The following RPTOR variants were observed in gnomAD, a reference collection of about 807,000 sequenced individuals.
RPTOR encodes the protein regulatory associated protein of MTOR complex 1.
Under a neutral mutation model 169.9 loss-of-function variants are expected in RPTOR, and 21 were observed. That is an observed-to-expected ratio of 0.12 (90% confidence interval 0.09 to 0.18). The LOEUF is 0.18. Among genes scored for constraint, RPTOR ranks in the 10% least tolerant of loss-of-function variants. The pLI, the probability that RPTOR is intolerant of heterozygous loss-of-function variation, is 1.00. For missense variants in RPTOR, 1,133 were observed against 1,855.9 expected (o/e 0.61, Z 7.16); for synonymous variants, 732 against 753.2 (o/e 0.97, Z 0.46).
In RPTOR at chr17:80,960,025, G is replaced by A; in HGVS notation, c.3478-53G>A. ...GGGTCCTGGCGCTGCAGGACAGCAG[G>A]GAGGGTGGCTCGGTGCCCCGGTCTT... On this transcript the variant is annotated intron_variant, in intron 29 of 33. Coordinates refer to ENST00000306801, the MANE Select transcript of RPTOR (RefSeq NM_020761.3). The surrounding 1 kb of genome is among the most constrained non-coding windows in gnomAD (Gnocchi z 4.8). The A allele has an allele frequency of 6.2e-7, 1 of 1,605,672 alleles. No homozygotes were observed. The highest frequency in any genetic ancestry group is 8.5e-7 in the Non-Finnish European group (1 of 1,175,208).
intron 1 of RPTOR, among the ~76,000 whole-genome samples, chr17:80,571,128 T>C (rs2064900661): frequency 6.6e-6 from 1 of 152,212 alleles, no homozygotes; most frequent in South Asian, 2.1e-4. Context: ...CAGATCTAAA[T>C]TGGGCACTCA....
At chr17:80,867,197 A>G (rs530131504) in intron 13 of RPTOR, among the ~76,000 whole-genome samples, 8 of 152,318 alleles carry the variant, frequency 5.3e-5, no homozygotes, top group Non-Finnish European at 1.0e-4. Flanking sequence ...AAACCTGTTT[A>G]AGGATTGAAA....
chr17:80,605,114 T>C (rs1343982646), intron 1 of RPTOR, among the ~76,000 whole-genome samples: 1 of 152,224 alleles, frequency 6.6e-6, no homozygotes, highest in East Asian at 1.9e-4. Context: ...AGACGATCCA[T>C]GTCCTGTGGG....
chr17:80,578,120 A>C (rs1287563048), intron 1 of RPTOR, among the ~76,000 whole-genome samples: 3 of 152,136 alleles, frequency 2.0e-5, no homozygotes, highest in African/African-American at 7.2e-5. Context: ...TGCGTGGCTG[A>C]GATAGTGAAG....
At chr17:80,788,802 C>T (rs1486230797) in intron 6 of RPTOR, among the ~76,000 whole-genome samples, 1 of 152,192 alleles carries the variant, frequency 6.6e-6, no homozygotes, top group African/African-American at 2.4e-5. Context: ...GTTATATTAT[C>T]ATTATATTCA....
chr17:80,932,007 G>T (rs1237846680), intron 24 of RPTOR, among the ~76,000 whole-genome samples: 1 of 152,168 alleles, frequency 6.6e-6, no homozygotes, highest in Non-Finnish European at 1.5e-5. Context: ...GCATGAGGTA[G>T]TGTGAGAGGA....
intron 1 of RPTOR, among the ~76,000 whole-genome samples, chr17:80,586,150 A>G (rs1293695440): frequency 3.9e-5 from 6 of 151,934 alleles, no homozygotes; most frequent in Admixed American, 3.9e-4. Flanking sequence ...GCATAGATTT[A>G]ATTGTTTGGT....
chr17:80,746,005 A>C lies in RPTOR; in HGVS notation c.655-8005A>C, dbSNP rs572850929. On this transcript the variant is annotated intron_variant, in intron 5 of 33. Coordinates refer to ENST00000306801, the MANE Select transcript of RPTOR (RefSeq NM_020761.3). The surrounding 1 kb of genome is among the most constrained non-coding windows in gnomAD (Gnocchi z 4.5). The stretch of plus-strand genomic sequence containing the variant: ...TGGTGAAACCCAGTCTCTACTAAAA[A>C]TATAAAATTATCCAGACGTGGTGGC... Among the ~76,000 whole-genome samples the C allele has an allele frequency of 5.9e-4, 90 of 152,278 alleles. No homozygotes were observed. Among genetic ancestry groups the C allele is most frequent in the African/African-American group, 2.1e-3 (88 of 41,552 alleles).
Position 80,651,004 on chromosome 17 carries a change from T to C in RPTOR, c.348+7194T>C, listed in dbSNP as rs980052992. Among the ~76,000 whole-genome samples, 22 of 152,340 alleles carry C rather than the reference T, an allele frequency of 1.4e-4. No individual in the cohort carries two copies. Among genetic ancestry groups the C allele is most frequent in the African/African-American group, 3.4e-4 (14 of 41,562 alleles). ...TGTTCCCTTTAACAAGGGAGTTGTC[T>C]GTGTGTATGACAAATTGCAAATGAG... On this transcript the variant is annotated intron_variant, in intron 3 of 33. Coordinates refer to ENST00000306801, the MANE Select transcript of RPTOR (RefSeq NM_020761.3). The surrounding 1 kb of genome is among the most constrained non-coding windows in gnomAD (Gnocchi z 4.1).
intron 1 of RPTOR, among the ~76,000 whole-genome samples, chr17:80,553,834 C>T (rs1171021638): frequency 6.6e-6 from 1 of 152,038 alleles, no homozygotes; most frequent in African/African-American, 2.4e-5. Context: ...CTCCGCCTCC[C>T]AGGTTCAAGC....
chr17:80,571,873 T>TG (rs2064910048), intron 1 of RPTOR, among the ~76,000 whole-genome samples: 1 of 152,230 alleles, frequency 6.6e-6, no homozygotes, highest in African/African-American at 2.4e-5. Context: ...AAGTTGTACT[T>TG]GCGTTTTCGT....
At chr17:80,964,053 A>AGCGCC (rs1335297088) in intron 33 of RPTOR, among the ~76,000 whole-genome samples, 2 of 152,116 alleles carry the variant, frequency 1.3e-5, no homozygotes, top group Non-Finnish European at 2.9e-5. Context: ...GGCCCGGGGC[A>AGCGCC]GCGCCACGCC....
rs1357453442 is a variant in RPTOR, at chr17:80,960,248, T to C, written c.3605+43T>C. ...TCTCCCTCCCCGAGTGCTGGCAGGG[T>C]ACCTTCCAGGTGGTAGGGCCGTGTC... On this transcript the variant is annotated intron_variant, in intron 30 of 33. Transcript: ENST00000306801. This position sits in a 1 kb window ranked among gnomAD's most constrained non-coding sequence, Gnocchi z 4.8. 1.9e-6 allele frequency: 3 copies of C among 1,609,972 alleles called. No individual in the cohort carries two copies. The highest frequency in any genetic ancestry group is 1.7e-5 in the Admixed American group (1 of 59,974).
intron 1 of RPTOR, among the ~76,000 whole-genome samples, chr17:80,570,926 G>C (rs1026521948): frequency 6.6e-6 from 1 of 152,206 alleles, no homozygotes; most frequent in Non-Finnish European, 1.5e-5. Context: ...TTAAAGTTTG[G>C]AAGAGTTCAG....
chr17:80,773,844 C>T, intron 6 of RPTOR: 2 of 985,344 alleles, frequency 2.0e-6, no homozygotes, highest in African/African-American at 3.5e-5. Context: ...TGGGTGTGTT[C>T]AGTGTGTTCT....
At chr17:80,604,239 A>T (rs1239742359) in intron 1 of RPTOR, among the ~76,000 whole-genome samples, 1 of 152,260 alleles carries the variant, frequency 6.6e-6, no homozygotes, top group Non-Finnish European at 1.5e-5. Flanking sequence ...GGTATGTTGC[A>T]AGAAAAAACT....
chr17:80,825,123 CCTCT>C (rs1263179333), intron 9 of RPTOR, among the ~76,000 whole-genome samples: 2 of 149,692 alleles, frequency 1.3e-5, no homozygotes, highest in East Asian at 4.0e-4. Context: ...CCACATCCCA[CCTCT>C]CTCTCTAGAG....
intron 1 of RPTOR, among the ~76,000 whole-genome samples, chr17:80,589,464 G>A (rs544763957): frequency 5.3e-5 from 8 of 152,162 alleles, no homozygotes; most frequent in African/African-American, 1.7e-4. Context: ...TTTTAAAATC[G>A]GTGGGTCAAG....
At chr17:80,725,044 T>C (rs896118674) in intron 4 of RPTOR, among the ~76,000 whole-genome samples, 1 of 152,204 alleles carries the variant, frequency 6.6e-6, no homozygotes, top group Non-Finnish European at 1.5e-5. Flanking sequence ...TGCTCTGTAA[T>C]TTAAAGGGAT....
Sources: gnomAD v4.1 joint callset for allele counts (sites outside exome capture counted in the v4.1 genomes callset) on GRCh38, gnomAD v4.1.1 for gene constraint, Gnocchi (gnomAD v3.1) non-coding constraint, MANE v1.5 for transcripts, NCBI Gene and HGNC (gene_info 2026-07-23, HGNC 2026-07-21) for gene names.